Variants in RAB1B observed in about 807,000 individuals in gnomAD.
The protein encoded by RAB1B is RAB1B, member RAS oncogene family.
Under a neutral mutation model 24.8 loss-of-function variants are expected in RAB1B, and 10 were observed. The ratio of observed to expected loss-of-function variants is 0.40; its 90% confidence interval spans 0.25 to 0.68. The LOEUF (loss-of-function observed/expected upper bound fraction) is 0.68. RAB1B is among the 30% of genes least tolerant of loss of function. The pLI is 0.37. For synonymous variants in RAB1B, 99 were observed against 111.7 expected, an observed-to-expected ratio of 0.89 and a Z score of 0.72; for missense variants, 154 against 271.2, an observed-to-expected ratio of 0.57 and a Z score of 3.04.
At chr11:66,275,765 G>A in intron 4 of RAB1B, 39 bp from the exon 5 acceptor site, 1 of 1,549,184 alleles carries the variant, frequency 6.5e-7, no homozygotes, top group Non-Finnish European at 8.7e-7. Context: ...AGGGGTGACA[G>A]TTGGGAGCAA....
chr11:66,269,192 A>G (rs1429174574), intron 1 of RAB1B, among the ~76,000 whole-genome samples: 10 of 151,910 alleles, frequency 6.6e-5, no homozygotes, highest in African/African-American at 2.4e-4. Context: ...GGAGGCCCCG[A>G]AGCGCCGCTT....
At chr11:66,272,008 C>T (rs1857068216) in intron 2 of RAB1B, 139 bp downstream of exon 2, 1 of 943,954 alleles carries the variant, frequency 1.1e-6, no homozygotes, top group South Asian at 1.3e-5. Context: ...GCACATCTGC[C>T]CTGAACAAGA....
At chr11:66,273,581 G>A (rs1379077213) in intron 4 of RAB1B, among the ~76,000 whole-genome samples, 1 of 152,154 alleles carries the variant, frequency 6.6e-6, no homozygotes, top group African/African-American at 2.4e-5. Flanking sequence ...CCACTGCCCT[G>A]GACTCTCCTC....
chr11:66,272,662 A>G (rs1857079805), intron 4 of RAB1B: 1 of 426,014 alleles, frequency 2.3e-6, no homozygotes, highest in Non-Finnish European at 4.2e-6. Context: ...AGCCACAGAA[A>G]TGGATCCTCT....
At position 66,271,018 on chromosome 11, in the gene RAB1B, T is replaced by C. The variant is rs535077412; in HGVS notation, c.15-779T>C. On this transcript the variant is annotated intron_variant, in intron 1 of 5. Transcript: ENST00000311481. The stretch of plus-strand genomic sequence containing the variant: ...GGCATCAGCCCTCCCTGACCGGGAC[T>C]GTTGGGAAGATCTGGTGAGCACCAT... The C allele has an allele frequency of 3.3e-5, 5 of 152,382 alleles. No homozygotes were observed. The East Asian group carries it at 9.6e-4, about 29-fold the overall frequency. 9.4% of individuals were successfully genotyped at this position (152,382 alleles called of 1,614,324 possible). A position where few individuals can be genotyped will look rare whatever the true frequency, so the allele number is the denominator to read the frequency against.
intron 1 of RAB1B, among the ~76,000 whole-genome samples, chr11:66,269,191 G>C (rs1264169959): frequency 1.3e-5 from 2 of 152,034 alleles, no homozygotes; most frequent in African/African-American, 2.4e-5. Flanking sequence ...GGGAGGCCCC[G>C]AAGCGCCGCT....
At position 66,271,886 on chromosome 11, in the gene RAB1B, C is replaced by G. The variant is rs773782321; in HGVS notation, c.87+17C>G. The G allele has an allele frequency of 7.4e-5, 118 of 1,605,108 alleles. 4 individuals are homozygous for G. The South Asian group carries it at 1.2e-3, about 17-fold the overall frequency. On this transcript the variant is annotated intron_variant, in intron 2 of 5. Coordinates refer to ENST00000311481, the MANE Select transcript of RAB1B (RefSeq NM_030981.3). The stretch of plus-strand genomic sequence containing the variant: ...CGGTTTGCTGTGAGTAAGAAGCCTC[C>G]CATACCATCCACCTGGGGTCCTGAC...
chr11:66,275,665 CCTCTGCAT>C (rs1421096964), intron 4 of RAB1B, 131 bp from the exon 5 acceptor site: 15 of 922,096 alleles, frequency 1.6e-5, no homozygotes, highest in Admixed American at 1.5e-4. Flanking sequence ...CAGAGGGCTT[CCTCTGCAT>C]CTCTGCATCG....
At chr11:66,274,658 G>C (rs748175834) in intron 4 of RAB1B, among the ~76,000 whole-genome samples, 1 of 152,018 alleles carries the variant, frequency 6.6e-6, no homozygotes. Context: ...CTAAGTCCAA[G>C]ACTTAGCCAT....
At chr11:66,274,975 T>A (rs920229996) in intron 4 of RAB1B, among the ~76,000 whole-genome samples, 2 of 151,954 alleles carry the variant, frequency 1.3e-5, no homozygotes, top group Non-Finnish European at 2.9e-5. Context: ...GTCTGGGGGC[T>A]CCCCAGCCCC....
chr11:66,274,061 ACCTC>A (rs1451580108), intron 4 of RAB1B, among the ~76,000 whole-genome samples: 7 of 151,826 alleles, frequency 4.6e-5, no homozygotes, highest in African/African-American at 1.7e-4. Context: ...TGTAACCTCA[ACCTC>A]CTGGGCTTAA....
At chr11:66,272,555 C>G in intron 4 of RAB1B, 95 bp downstream of exon 4, 1 of 821,246 alleles carries the variant, frequency 1.2e-6, no homozygotes, top group Non-Finnish European at 1.9e-6. Flanking sequence ...CCTGATGCTT[C>G]CTGGAAAGGA....
intron 5 of RAB1B, 30 bp from the exon 6 acceptor site, chr11:66,276,014 C>T (rs1857137155): frequency 6.2e-7 from 1 of 1,608,682 alleles, no homozygotes; most frequent in Non-Finnish European, 8.5e-7. Flanking sequence ...CCTCTTCTCT[C>T]CCCTCCTCTT....
intron 2 of RAB1B, 58 bp downstream of exon 2, chr11:66,271,927 G>A: frequency 7.1e-7 from 1 of 1,398,920 alleles, no homozygotes; most frequent in Non-Finnish European, 1.0e-6. Flanking sequence ...GCTGGGGGGA[G>A]AAGGGACAAC....
intron 4 of RAB1B, among the ~76,000 whole-genome samples, chr11:66,275,456 C>T (rs1857125952): frequency 6.6e-6 from 1 of 152,198 alleles, no homozygotes; most frequent in East Asian, 1.9e-4. Context: ...CTCTCTGTTC[C>T]TATCTCCCGT....
chr11:66,268,837 C>T (rs1273731626), intron 1 of RAB1B, 144 bp downstream of exon 1: 4 of 813,542 alleles, frequency 4.9e-6, no homozygotes, highest in African/African-American at 2.2e-5. Context: ...CCCCCACATC[C>T]GGGTTCTGCC....
chr11:66,275,679 C>A, intron 4 of RAB1B, 125 bp from the exon 5 acceptor site: 1 of 1,036,610 alleles, frequency 9.6e-7, no homozygotes, highest in Non-Finnish European at 1.4e-6. Context: ...TGCATCTCTG[C>A]ATCGCTGAGC....
intron 1 of RAB1B, chr11:66,270,806 C>G (rs116015876): frequency 6.6e-6 from 1 of 152,350 alleles, no homozygotes; most frequent in Admixed American, 6.5e-5. Flanking sequence ...GCTAGGCACA[C>G]GCAGGGCATG....
chr11:66,274,517 C>T (rs1857110610), intron 4 of RAB1B, among the ~76,000 whole-genome samples: 1 of 152,170 alleles, frequency 6.6e-6, no homozygotes, highest in Admixed American at 6.5e-5. Flanking sequence ...ACGTTCTCTT[C>T]CCTGAGTTAT....
Sources: allele counts gnomAD v4.1 joint callset (sites outside exome capture counted in the v4.1 genomes callset), GRCh38; gene constraint gnomAD v4.1.1; transcripts MANE v1.5; gene names NCBI Gene and HGNC (gene_info 2026-07-23, HGNC 2026-07-21).